SGPP2: variants seen among roughly 807,000 people sequenced by gnomAD.
SGPP2 encodes the protein sphingosine-1-phosphate phosphatase 2, also known as sphingosine 1-phosphate phosphohydrolase 2.
A neutral mutation model predicts 33.9 loss-of-function variants in SGPP2; 30 were observed. That is an observed-to-expected ratio of 0.89 (90% confidence interval 0.66 to 1.20). SGPP2 has a LOEUF of 1.20. Ranked by LOEUF, SGPP2 falls within the 50% of genes most tolerant of loss-of-function variation. The pLI is 0.00. For missense variants in SGPP2, 458 were observed against 532.1 expected (o/e 0.86, Z 1.37); for synonymous variants, 233 against 225.0 (o/e 1.04, Z -0.32).
rs1689522130 is a variant in SGPP2 at position 222,560,760 on chromosome 2, T to C, written c.*1862T>C. 1 of 152,218 alleles carries C rather than the reference T, an allele frequency of 6.6e-6. No individual in the cohort carries two copies. Among genetic ancestry groups the C allele is most frequent in the African/African-American group, 2.4e-5 (1 of 41,454 alleles). 9.4% of individuals were successfully genotyped at this position (152,218 alleles called of 1,614,324 possible). On this transcript the variant is annotated 3_prime_UTR_variant, in exon 5 of 5. Coordinates refer to ENST00000321276, the MANE Select transcript of SGPP2 (RefSeq NM_152386.4). Reference sequence around the variant, plus strand: ...ATTTTTCTTGATTTCAAATATGTTCTACGGCCTTACTGTTGGGATGATATT... The same window carrying C: ...ATTTTTCTTGATTTCAAATATGTTCCACGGCCTTACTGTTGGGATGATATT...
At chr2:222,524,903 A>C (rs1008498669) in intron 3 of SGPP2, 41 bp from the exon 4 acceptor site, 5 of 1,461,426 alleles carry the variant, frequency 3.4e-6, no homozygotes, top group Non-Finnish European at 4.8e-6. Context: ...TGTATGTCTG[A>C]GTGTGATCTA....
intron 4 of SGPP2, among the ~76,000 whole-genome samples, chr2:222,541,478 A>T (rs1698996160): frequency 6.6e-6 from 1 of 152,228 alleles, no homozygotes; most frequent in Non-Finnish European, 1.5e-5. Flanking sequence ...CTAGGTCTTT[A>T]TCTGGATATA....
chr2:222,481,744 G>C (rs1362569510), intron 2 of SGPP2, among the ~76,000 whole-genome samples: 1 of 152,074 alleles, frequency 6.6e-6, no homozygotes, highest in African/African-American at 2.4e-5. Flanking sequence ...AGCTTACTGT[G>C]GGGGGTGACC....
chr2:222,457,735 C>T (rs181407766), intron 1 of SGPP2, among the ~76,000 whole-genome samples: 51 of 152,300 alleles, frequency 3.3e-4, no homozygotes, highest in Non-Finnish European at 7.1e-4. Flanking sequence ...TCTATGTTCC[C>T]GCATGAACAG....
In SGPP2 at chr2:222,477,209, G is replaced by A. The variant is rs1697954429; in HGVS notation, c.378+2483G>A. On this transcript the variant is annotated intron_variant, in intron 2 of 4. Transcript: ENST00000321276. This position sits in a 1 kb window ranked among gnomAD's most constrained non-coding sequence, Gnocchi z 6.0. ...TGTGTGTATATATGTGTGTGCATAG[G>A]TGCATATATATGTTTATGTATATAG... Among the ~76,000 whole-genome samples, 2 of 151,384 alleles carry A rather than the reference G, an allele frequency of 1.3e-5. No homozygotes were observed. The highest frequency in any genetic ancestry group is 1.3e-4 in the Admixed American group (2 of 15,196).
At chr2:222,486,323 C>A (rs1415451675) in intron 2 of SGPP2, among the ~76,000 whole-genome samples, 1 of 152,188 alleles carries the variant, frequency 6.6e-6, no homozygotes, top group Non-Finnish European at 1.5e-5. Flanking sequence ...GGCCAGTGGT[C>A]TCCTTGCTTG....
At chr2:222,427,096 G>GT (rs1453224752) in intron 1 of SGPP2, among the ~76,000 whole-genome samples, 25 of 152,080 alleles carry the variant, frequency 1.6e-4, no homozygotes, top group African/African-American at 6.0e-4. Context: ...ATGTGCCTTT[G>GT]TGTGGATATC....
At chr2:222,521,632 G>A in intron 2 of SGPP2, 135 bp from the exon 3 acceptor site, 2 of 861,898 alleles carry the variant, frequency 2.3e-6, no homozygotes, top group Non-Finnish European at 3.5e-6. Flanking sequence ...ACAAGACTTT[G>A]CCAACAAGTA....
chr2:222,468,474 A>G (rs145170792), intron 1 of SGPP2, among the ~76,000 whole-genome samples: 2,492 of 152,142 alleles, frequency 0.016, 70 homozygotes, highest in African/African-American at 0.057. Context: ...GTTGAGGCTC[A>G]GAAAGGCAAA....
chr2:222,514,300 G>A (rs1014772594), intron 2 of SGPP2, among the ~76,000 whole-genome samples: 5 of 152,140 alleles, frequency 3.3e-5, no homozygotes, highest in African/African-American at 1.2e-4. Context: ...ACAATAATCA[G>A]CATTTCCCTT....
In SGPP2 at chr2:222,477,615, A is replaced by G. The variant is rs1697967132; in HGVS notation, c.378+2889A>G. ...TATATATGTGTGTGTGTGTGTTCTA[A>G]ATCCCAAAACTTTAATAATTGTTGA... On this transcript the variant is annotated intron_variant, in intron 2 of 4. Transcript: ENST00000321276. The surrounding 1 kb of genome is among the most constrained non-coding windows in gnomAD (Gnocchi z 6.0). Among the ~76,000 whole-genome samples the G allele has an allele frequency of 6.6e-6, 1 of 151,694 alleles. No homozygotes were observed. The highest frequency in any genetic ancestry group is 6.6e-5 in the Admixed American group (1 of 15,196).
Position 222,465,323 on chromosome 2 carries a change from C to G in SGPP2, c.220-9245C>G, listed in dbSNP as rs13415731. 8.5e-3 allele frequency among the ~76,000 whole-genome samples: 1,292 copies of G among 152,210 alleles called. 24 individuals carry two copies. The highest frequency in any genetic ancestry group is 0.03 in the African/African-American group (1,251 of 41,528). On this transcript the variant is annotated intron_variant, in intron 1 of 4. Coordinates refer to ENST00000321276, the MANE Select transcript of SGPP2 (RefSeq NM_152386.4). This position sits in a 1 kb window ranked among gnomAD's most constrained non-coding sequence, Gnocchi z 4.1. ...GAAGAAGCCCTCGTGCATTTTTGTT[C>G]CTTCTGTTTTCTCCTTCAAGGGACA...
chr2:222,526,035 C>G (rs1698753624), intron 4 of SGPP2, among the ~76,000 whole-genome samples: 1 of 152,200 alleles, frequency 6.6e-6, no homozygotes. Context: ...AGCAACATTA[C>G]GCTTTCCTCT....
chr2:222,527,586 C>G (rs182274442), intron 4 of SGPP2, among the ~76,000 whole-genome samples: 1 of 152,316 alleles, frequency 6.6e-6, no homozygotes, highest in Admixed American at 6.5e-5. Context: ...GGAAGGGGCA[C>G]CGCCCCCTTT....
At chr2:222,495,189 G>C (rs1395230888) in intron 2 of SGPP2, among the ~76,000 whole-genome samples, 1 of 152,098 alleles carries the variant, frequency 6.6e-6, no homozygotes, top group African/African-American at 2.4e-5. Flanking sequence ...TGAGGTGGGA[G>C]GATTGCTTGA....
intron 1 of SGPP2, among the ~76,000 whole-genome samples, chr2:222,470,181 T>G (rs1477466448): frequency 2.6e-5 from 4 of 152,134 alleles, no homozygotes; most frequent in African/African-American, 9.7e-5. Context: ...GCTTAAAACC[T>G]AAATGATGGG....
chr2:222,458,214 A>AT (rs34748357), intron 1 of SGPP2, among the ~76,000 whole-genome samples: 43,791 of 145,820 alleles, frequency 0.3, 6,652 homozygotes, highest in Admixed American at 0.42. Flanking sequence ...ATGCCTAGCT[A>AT]TTTTTTTTTT....
At chr2:222,543,693 C>T (rs987553723) in intron 4 of SGPP2, among the ~76,000 whole-genome samples, 6 of 152,198 alleles carry the variant, frequency 3.9e-5, no homozygotes, top group Non-Finnish European at 8.8e-5. Context: ...GTACTCAGTA[C>T]TCTTCCCATT....
chr2:222,536,288 C>T (rs1173845188), intron 4 of SGPP2, among the ~76,000 whole-genome samples: 1 of 152,158 alleles, frequency 6.6e-6, no homozygotes, highest in Non-Finnish European at 1.5e-5. Flanking sequence ...TCTGACCTTC[C>T]CATTTATTTG....
Sources: gnomAD v4.1 joint callset for allele counts (sites outside exome capture counted in the v4.1 genomes callset) on GRCh38, gnomAD v4.1.1 for gene constraint, Gnocchi (gnomAD v3.1) non-coding constraint, MANE v1.5 for transcripts, NCBI Gene and HGNC (gene_info 2026-07-23, HGNC 2026-07-21) for gene names.